The following C10orf143 variants were observed in gnomAD, a reference collection of about 807,000 sequenced individuals.
C10orf143 encodes the protein chromosome 10 open reading frame 143.
chr10:130,108,104 C>T (rs1861690846), intron 1 of C10orf143: 1 of 1,531,132 alleles, frequency 6.5e-7, no homozygotes, highest in Admixed American at 1.7e-5. Flanking sequence ...AGCAACTGGC[C>T]CTCGCTTTGT....
chr10:130,082,128 T>C (rs1423825333), intron 1 of C10orf143, among the ~76,000 whole-genome samples: 1 of 151,928 alleles, frequency 6.6e-6, no homozygotes. Flanking sequence ...TATGAAAGTT[T>C]GGCTTCAAAT....
At chr10:130,051,018 A>T (rs184898215) in intron 3 of C10orf143, among the ~76,000 whole-genome samples, 38 of 152,300 alleles carry the variant, frequency 2.5e-4, no homozygotes, top group African/African-American at 8.9e-4. Context: ...CTGTGATTAC[A>T]GTCCTTAGAT....
intron 3 of C10orf143, among the ~76,000 whole-genome samples, chr10:130,041,514 T>A (rs891291127): frequency 2.6e-5 from 4 of 152,250 alleles, no homozygotes; most frequent in African/African-American, 7.2e-5. Flanking sequence ...AGCACGATTA[T>A]GATTTTTAAA....
chr10:130,093,199 G>A (rs974427852), intron 1 of C10orf143, among the ~76,000 whole-genome samples: 7 of 151,920 alleles, frequency 4.6e-5, no homozygotes, highest in African/African-American at 7.2e-5. Context: ...GCAAAAGAAC[G>A]GAAATCAAAA....
chr10:130,105,738 C>T (rs1197085275), intron 1 of C10orf143, among the ~76,000 whole-genome samples: 1 of 152,100 alleles, frequency 6.6e-6, no homozygotes, highest in African/African-American at 2.4e-5. Context: ...TCCCCTCCCC[C>T]CCCAAACAAA....
chr10:130,093,161 A>AT (rs1359139973), intron 1 of C10orf143, among the ~76,000 whole-genome samples: 1 of 152,184 alleles, frequency 6.6e-6, no homozygotes, highest in Non-Finnish European at 1.5e-5. Context: ...TGACCACATA[A>AT]TTGGAAGTAA....
rs538971680 is a variant in C10orf143, at chr10:130,101,530, A to G, written c.69+9174T>C. Among the ~76,000 whole-genome samples the G allele has an allele frequency of 2.6e-5, 4 of 152,230 alleles. No individual in the cohort carries two copies. In the East Asian group the frequency reaches 7.7e-4, roughly 29 times the overall value. ...AAAGAAAAAAACCTATCAATTTAGA[A>G]TTCCACACACAGTGGAAATATCTTT... On this transcript the variant is annotated intron_variant, in intron 1 of 3. Coordinates refer to ENST00000637128, the MANE Select transcript of C10orf143 (RefSeq NM_001355042.2).
At chr10:130,071,239 C>G (rs1861028113) in intron 3 of C10orf143, among the ~76,000 whole-genome samples, 1 of 152,182 alleles carries the variant, frequency 6.6e-6, no homozygotes, top group Non-Finnish European at 1.5e-5. Context: ...ACACCTAGGA[C>G]CATATCTTCT....
At chr10:130,105,033 A>T (rs1861618020) in intron 1 of C10orf143, 1 of 152,130 alleles carries the variant, frequency 6.6e-6, no homozygotes, top group Non-Finnish European at 1.5e-5. Flanking sequence ...AGTTGAAGCA[A>T]TTCTTCTGTC....
chr10:130,045,006 C>T (rs1292583714), intron 3 of C10orf143, among the ~76,000 whole-genome samples: 4 of 152,180 alleles, frequency 2.6e-5, no homozygotes, highest in African/African-American at 9.7e-5. Context: ...CCAGTGCCTG[C>T]CACACCCCGA....
chr10:130,073,595 C>T (rs1182160643), intron 3 of C10orf143, among the ~76,000 whole-genome samples: 3 of 151,544 alleles, frequency 2.0e-5, no homozygotes, highest in East Asian at 1.9e-4. Context: ...TTTCTCTCTT[C>T]GCCTATTACG....
chr10:130,044,783 C>T (rs1344421295), intron 3 of C10orf143, among the ~76,000 whole-genome samples: 2 of 152,140 alleles, frequency 1.3e-5, no homozygotes, highest in Admixed American at 1.3e-4. Flanking sequence ...CAGACTTCCT[C>T]TGGGGATGTA....
intron 1 of C10orf143, 109 bp downstream of exon 1, chr10:130,110,595 C>G (rs1436653827): frequency 2.5e-6 from 1 of 397,786 alleles, no homozygotes; most frequent in African/African-American, 2.1e-5. Context: ...GTGTCTTGGG[C>G]CAGGCCTCCT....
At position 130,045,613 on chromosome 10, in the gene C10orf143, G is replaced by A. The variant is rs139103730; in HGVS notation, c.298-9643C>T. Among the ~76,000 whole-genome samples, 1,256 of 152,338 alleles carry A rather than the reference G, an allele frequency of 8.2e-3. 8 individuals are homozygous for A. The highest frequency in any genetic ancestry group is 0.02 in the Middle Eastern group (6 of 294). ...AACGTTTCTGTTCTCTGGCATTTTCGTTTGAAGCAGAGATGTCAAAAAATA... is the reference window on the plus strand; with the variant it reads ...AACGTTTCTGTTCTCTGGCATTTTCATTTGAAGCAGAGATGTCAAAAAATA... On this transcript the variant is annotated intron_variant and NMD_transcript_variant, in intron 3 of 5. Transcript: ENST00000643056.
chr10:130,085,721 A>G lies in C10orf143; in HGVS notation c.70-5820T>C, dbSNP rs61539545. Among the ~76,000 whole-genome samples the G allele has an allele frequency of 4.1e-3, 629 of 152,334 alleles. 4 individuals carry two copies. Among genetic ancestry groups the G allele is most frequent in the African/African-American group, 0.014 (575 of 41,564 alleles). ...TAAGTGAAGGATGTATATGAACTCT[A>G]TACTATGTTTTTGCAACCTTTCTGT... On this transcript the variant is annotated intron_variant, in intron 1 of 3. Transcript: ENST00000637128.
chr10:130,053,977 T>A lies in C10orf143; in HGVS notation c.298-18007A>T, dbSNP rs117491485. 9.2e-3 allele frequency among the ~76,000 whole-genome samples: 1,402 copies of A among 152,304 alleles called. 14 individuals carry two copies. The highest frequency in any genetic ancestry group is 0.04 in the East Asian group (207 of 5,170). On this transcript the variant is annotated intron_variant and NMD_transcript_variant, in intron 3 of 5. Transcript: ENST00000643056. ...AGCAAGTGTGAGCCATCCCTCCAAG[T>A]GCCACCGTGGGTCATGGGCCAGTAT...
chr10:130,107,634 G>A (rs746284151), intron 1 of C10orf143: 1 of 1,334,700 alleles, frequency 7.5e-7, no homozygotes, highest in East Asian at 2.3e-5. Context: ...TCTGAAACGA[G>A]AGCTTTTCTC....
downstream of C10orf143, among the ~76,000 whole-genome samples, chr10:130,060,634 T>G (rs979622285): frequency 6.7e-6 from 1 of 149,654 alleles, no homozygotes; most frequent in Non-Finnish European, 1.5e-5. Context: ...CCATCCTGGC[T>G]AACACGGTGA....
chr10:130,061,202 T>A (rs1343919066), downstream of C10orf143, among the ~76,000 whole-genome samples: 1 of 152,118 alleles, frequency 6.6e-6, no homozygotes, highest in African/African-American at 2.4e-5. Context: ...ATAGAAAAAA[T>A]TTTGAAAGGA....
Sources: allele counts gnomAD v4.1 joint callset (sites outside exome capture counted in the v4.1 genomes callset), GRCh38; gene constraint gnomAD v4.1.1; transcripts MANE v1.5; gene names NCBI Gene and HGNC (gene_info 2026-07-23, HGNC 2026-07-21).